Variants in AFF1 observed in about 807,000 individuals in gnomAD.
AFF1 encodes ALF transcription elongation factor 1, also known as AF4/FMR2 family member 1.
Under a neutral mutation model 121.7 loss-of-function variants are expected in AFF1, and 48 were observed. That is an observed-to-expected ratio of 0.39 (90% confidence interval 0.31 to 0.50). The LOEUF (loss-of-function observed/expected upper bound fraction) is 0.50, where lower values mean the gene tolerates loss of function less well. AFF1 is among the 20% of genes least tolerant of loss of function. The pLI is 0.76. For missense variants in AFF1, 1,523 were observed against 1,511.7 expected, an observed-to-expected ratio of 1.01 and a Z score of -0.12; for synonymous variants, 613 against 563.0, an observed-to-expected ratio of 1.09 and a Z score of -1.26.
At chr4:86,955,818 A>G (rs1295348294) in intron 2 of AFF1, among the ~76,000 whole-genome samples, 1 of 152,070 alleles carries the variant, frequency 6.6e-6, no homozygotes, top group Non-Finnish European at 1.5e-5. Flanking sequence ...GAGGGATTGG[A>G]TTTTGTTAAC....
intron 4 of AFF1, among the ~76,000 whole-genome samples, chr4:87,070,645 CA>C (rs1205581259): frequency 1.3e-5 from 2 of 152,254 alleles, no homozygotes; most frequent in Non-Finnish European, 2.9e-5. Flanking sequence ...AAGAAACTTA[CA>C]ATTTAAGTCA....
chr4:87,019,068 G>A (rs1727627136), intron 2 of AFF1, among the ~76,000 whole-genome samples: 1 of 152,166 alleles, frequency 6.6e-6, no homozygotes, highest in Non-Finnish European at 1.5e-5. Context: ...GTGAAAGATG[G>A]TCTCTATCTC....
Position 87,114,553 on chromosome 4 carries a change from T to C in AFF1, c.1720T>C (p.Ser574Pro). 6.2e-7 allele frequency: 1 copy of C among 1,607,738 alleles called. No individual in the cohort carries two copies. The highest frequency in any genetic ancestry group is 1.4e-5 in the African/African-American group (1 of 73,934). Reference sequence around the variant, plus strand: ...ATCCAAAGATCCTCCCCCTAAAAGCTCCAGCAAAGCCCCCCGGGCCCCACC... The same window carrying C: ...ATCCAAAGATCCTCCCCCTAAAAGCCCCAGCAAAGCCCCCCGGGCCCCACC... ...SESKDPPPKS[S>P]SKAPRAPPEA... The change falls in exon 12 of 21, where the codon TCC becomes CCC. Residue 574 changes from serine (S) to proline (P), a missense_variant. Physicochemically the swap from Ser to Pro is moderately conservative, Grantham distance 74. Around this residue, in one of 5 missense-constraint regions of AFF1, gnomAD observed 905 missense variants for 842.5 expected, o/e 1.07. Transcript: ENST00000395146.
At chr4:86,962,070 G>A (rs1209178830) in intron 2 of AFF1, among the ~76,000 whole-genome samples, 1 of 151,936 alleles carries the variant, frequency 6.6e-6, no homozygotes, top group African/African-American at 2.4e-5. Context: ...AGCTGGTAAA[G>A]GACAAAGCCA....
intron 4 of AFF1, 146 bp from the exon 5 acceptor site, chr4:87,083,974 C>A (rs975768544): frequency 1.4e-6 from 1 of 702,900 alleles, no homozygotes; most frequent in African/African-American, 1.8e-5. Flanking sequence ...CCATGTTGCC[C>A]AGGCTTCAAA....
At chr4:87,003,549 T>C (rs1303865293) in intron 2 of AFF1, among the ~76,000 whole-genome samples, 1 of 152,246 alleles carries the variant, frequency 6.6e-6, no homozygotes. Context: ...CCACTATGCC[T>C]GGTCTGTTTC....
intron 12 of AFF1, among the ~76,000 whole-genome samples, chr4:87,122,354 G>GT (rs1727776048): frequency 6.6e-6 from 1 of 152,290 alleles, no homozygotes; most frequent in East Asian, 1.9e-4. Context: ...CCAATTGATT[G>GT]TTTTTCTCTC....
At chr4:87,110,859 G>A (rs998104520) in intron 11 of AFF1, among the ~76,000 whole-genome samples, 3 of 151,952 alleles carry the variant, frequency 2.0e-5, no homozygotes, top group African/African-American at 7.3e-5. Flanking sequence ...ACCAGCACTG[G>A]GAGGGCAGAT....
intron 2 of AFF1, among the ~76,000 whole-genome samples, chr4:86,988,724 A>G (rs564302569): frequency 4.7e-4 from 72 of 152,342 alleles, no homozygotes; most frequent in South Asian, 2.1e-3. Context: ...AAAAGAGCCT[A>G]TATAACGAAG....
At chr4:86,995,387 A>G (rs1432260276) in intron 2 of AFF1, among the ~76,000 whole-genome samples, 2 of 147,358 alleles carry the variant, frequency 1.4e-5, no homozygotes, top group Admixed American at 6.9e-5. Context: ...TACTGCTGCC[A>G]TCTCGGCTCA....
chr4:87,004,529 A>C (rs1430031009), intron 2 of AFF1, among the ~76,000 whole-genome samples: 1 of 152,234 alleles, frequency 6.6e-6, no homozygotes, highest in Non-Finnish European at 1.5e-5. Context: ...TGTCTGGCTT[A>C]ATAGAAGACA....
chr4:87,052,210 CAAGA>C (rs1731339433), intron 4 of AFF1, among the ~76,000 whole-genome samples: 2 of 151,994 alleles, frequency 1.3e-5, no homozygotes, highest in African/African-American at 4.8e-5. Context: ...CCCAGGAGTT[CAAGA>C]CCAGCCTGGG....
rs1256615091 is a variant in AFF1 at position 87,115,275 on chromosome 4, A to T, written c.2442A>T (p.Ser814=). The T allele has an allele frequency of 1.2e-6, 2 of 1,607,626 alleles. No homozygotes were observed. The highest frequency in any genetic ancestry group is 3.4e-5 in the Admixed American group (2 of 59,102). ...HSSEKRSSDS[S]SKLAKKRKGE... ...CTGAGAAGAGGAGCTCAGACAGCTCAAGCAAGTTGGCCAAAAAGAGAAAGG... is the reference window on the plus strand; with the variant it reads ...CTGAGAAGAGGAGCTCAGACAGCTCTAGCAAGTTGGCCAAAAAGAGAAAGG... Residue 814 remains serine, a synonymous_variant, in exon 12 of 21, where the codon TCA becomes TCT. Transcript: ENST00000395146.
rs1729330859 is a variant in AFF1, at chr4:87,136,726, G to A, written c.*1025G>A. ...TAACTCATGTTGTCCAGCCAACTCAGAGTTTCGTCAGTGAACAAGAAACAT... is the reference window on the plus strand; with the variant it reads ...TAACTCATGTTGTCCAGCCAACTCAAAGTTTCGTCAGTGAACAAGAAACAT... On this transcript the variant is annotated 3_prime_UTR_variant, in exon 21 of 21. Transcript: ENST00000395146. 1 of 228,710 alleles carries A rather than the reference G, an allele frequency of 4.4e-6. No individual in the cohort carries two copies. The highest frequency in any genetic ancestry group is 8.7e-6 in the Non-Finnish European group (1 of 115,322). 14.2% of individuals were successfully genotyped at this position (228,710 alleles called of 1,614,324 possible). A position where few individuals can be genotyped will look rare whatever the true frequency, so the allele number is the denominator to read the frequency against.
chr4:87,048,675 A>G (rs1730965430), intron 4 of AFF1, among the ~76,000 whole-genome samples: 1 of 152,174 alleles, frequency 6.6e-6, no homozygotes, highest in Non-Finnish European at 1.5e-5. Flanking sequence ...CCAGGAGGAC[A>G]ACTTGTAACT....
In AFF1 at chr4:87,051,720, A is replaced by G. The variant is rs557104484; in HGVS notation, c.1059+4126A>G. On this transcript the variant is annotated intron_variant, in intron 4 of 20. Transcript: ENST00000395146. ...CTTGACTTCATGATCCGCCCACCTCAGCCTCCCAAAGTGCTGGGATTACAG... is the reference window on the plus strand; with the variant it reads ...CTTGACTTCATGATCCGCCCACCTCGGCCTCCCAAAGTGCTGGGATTACAG... 1.5e-4 allele frequency among the ~76,000 whole-genome samples: 23 copies of G among 152,030 alleles called. No individual in the cohort carries two copies. In the South Asian group the frequency reaches 4.6e-3, roughly 30 times the overall value.
intron 2 of AFF1, among the ~76,000 whole-genome samples, chr4:87,031,452 T>C (rs80218498): frequency 4.6e-5 from 7 of 151,774 alleles, no homozygotes; most frequent in Middle Eastern, 3.2e-3. Flanking sequence ...TTTTTTTTTT[T>C]CTTTTGTTCC....
intron 7 of AFF1, among the ~76,000 whole-genome samples, chr4:87,093,078 A>G (rs1222815171): frequency 6.6e-6 from 1 of 152,200 alleles, no homozygotes; most frequent in African/African-American, 2.4e-5. Context: ...CCATTAAACC[A>G]TTTGATTTCC....
intron 4 of AFF1, chr4:87,049,810 C>CG: frequency 2.2e-6 from 1 of 452,642 alleles, no homozygotes; most frequent in Non-Finnish European, 4.4e-6. Context: ...GGAGGGCTCT[C>CG]GGTGACCCCT....
Sources: gnomAD v4.1 joint callset for allele counts (sites outside exome capture counted in the v4.1 genomes callset) on GRCh38, gnomAD v4.1.1 for gene constraint, gnomAD v4.1.1 regional missense constraint, MANE v1.5 for transcripts, NCBI Gene and HGNC (gene_info 2026-07-23, HGNC 2026-07-21) for gene names.